PRR16: variants seen among roughly 807,000 people sequenced by gnomAD.
PRR16 encodes proline rich 16.
In PRR16, 6 loss-of-function variants were observed where a neutral mutation model predicts 18.2. That is an observed-to-expected ratio of 0.33 (90% confidence interval 0.18 to 0.65). The LOEUF (loss-of-function observed/expected upper bound fraction) is 0.65. PRR16 is among the 30% of genes least tolerant of loss of function. The probability of loss-of-function intolerance (pLI) is 0.74; values close to 1 mark genes in which losing one functional copy is unlikely to be tolerated. For missense variants in PRR16, 412 were observed against 376.6 expected (o/e 1.09, Z -0.78); for synonymous variants, 151 against 147.8 (o/e 1.02, Z -0.16).
intron 1 of PRR16, among the ~76,000 whole-genome samples, chr5:120,597,916 T>C (rs969837374): frequency 6.6e-6 from 1 of 151,830 alleles, no homozygotes; most frequent in Non-Finnish European, 1.5e-5. Flanking sequence ...TTTGGATGTG[T>C]AGAATAATTT....
intron 1 of PRR16, among the ~76,000 whole-genome samples, chr5:120,621,755 G>A (rs1345742141): frequency 6.6e-6 from 1 of 152,040 alleles, no homozygotes; most frequent in East Asian, 1.9e-4. Context: ...TGTAAAGAAG[G>A]TGCCTTGCTT....
At chr5:120,653,068 T>C (rs559591819) in intron 1 of PRR16, among the ~76,000 whole-genome samples, 4 of 152,110 alleles carry the variant, frequency 2.6e-5, no homozygotes, top group Non-Finnish European at 5.9e-5. Context: ...TCTATTTAGA[T>C]AAAGTTCAAG....
intron 1 of PRR16, among the ~76,000 whole-genome samples, chr5:120,491,470 T>C (rs1750043678): frequency 9.1e-6 from 1 of 109,952 alleles, no homozygotes; most frequent in Non-Finnish European, 1.9e-5. Context: ...TTTCCTTTCC[T>C]TTCCTTTCCT....
At chr5:120,657,757 AG>A (rs1398491808) in intron 1 of PRR16, among the ~76,000 whole-genome samples, 1 of 151,954 alleles carries the variant, frequency 6.6e-6, no homozygotes, top group African/African-American at 2.4e-5. Context: ...AGAAGAAGTG[AG>A]GATGTGACAA....
chr5:120,633,856 A>G (rs1376530755), intron 1 of PRR16, among the ~76,000 whole-genome samples: 1 of 151,692 alleles, frequency 6.6e-6, no homozygotes, highest in African/African-American at 2.4e-5. Context: ...GAGGACTTTA[A>G]TATTCCACTG....
chr5:120,620,319 C>G (rs954533205), intron 1 of PRR16, among the ~76,000 whole-genome samples: 1 of 152,086 alleles, frequency 6.6e-6, no homozygotes, highest in Non-Finnish European at 1.5e-5. Context: ...AATGGTGAAA[C>G]AGGCAGACGA....
chr5:120,772,221 T>G, the PRR16 span, among the ~76,000 whole-genome samples: 1 of 152,096 alleles, frequency 6.6e-6, no homozygotes, highest in Non-Finnish European at 1.5e-5. Flanking sequence ...GTTTTCTTCC[T>G]TTTTAACTGT....
chr5:120,577,573 G>A (rs915934469), intron 1 of PRR16, among the ~76,000 whole-genome samples: 1 of 152,060 alleles, frequency 6.6e-6, no homozygotes, highest in Admixed American at 6.6e-5. Context: ...TAGGAGTTTG[G>A]CAAATCTTTT....
intron 1 of PRR16, among the ~76,000 whole-genome samples, chr5:120,648,710 T>C (rs1054040844): frequency 2.0e-5 from 3 of 152,124 alleles, no homozygotes; most frequent in Non-Finnish European, 4.4e-5. Flanking sequence ...GAGGGTTAAA[T>C]ACGGGGTTAG....
the PRR16 span, among the ~76,000 whole-genome samples, chr5:120,758,172 G>A: frequency 4.6e-5 from 7 of 152,118 alleles, no homozygotes; most frequent in East Asian, 1.2e-3. Flanking sequence ...CAAATTTGAT[G>A]CAAAAATAAT....
chr5:120,778,978 G>A, the PRR16 span, among the ~76,000 whole-genome samples: 14,605 of 152,178 alleles, frequency 0.096, 890 homozygotes, highest in African/African-American at 0.17. Flanking sequence ...TAAACAAGGA[G>A]GAGGGAGAAA....
intron 1 of PRR16, among the ~76,000 whole-genome samples, chr5:120,544,849 A>G (rs1752027344): frequency 1.3e-5 from 2 of 152,086 alleles, no homozygotes; most frequent in Admixed American, 1.3e-4. Context: ...CTTCTTGTTC[A>G]GTACTCTTTT....
the PRR16 span, among the ~76,000 whole-genome samples, chr5:120,781,034 G>A: frequency 6.6e-6 from 1 of 152,074 alleles, no homozygotes; most frequent in African/African-American, 2.4e-5. Context: ...TGGCAACAGA[G>A]CGAGACTCCA....
the PRR16 span, among the ~76,000 whole-genome samples, chr5:120,730,601 A>C: frequency 1.3e-5 from 2 of 152,148 alleles, no homozygotes; most frequent in African/African-American, 4.8e-5. Flanking sequence ...TTGCTGGATA[A>C]GGAGTCCAGC....
intron 1 of PRR16, among the ~76,000 whole-genome samples, chr5:120,508,411 C>A (rs142703568): frequency 6.6e-6 from 1 of 152,020 alleles, no homozygotes; most frequent in East Asian, 1.9e-4. Flanking sequence ...TTAACTGTTA[C>A]AATAACTTAA....
chr5:120,520,347 A>G (rs532827250), intron 1 of PRR16, among the ~76,000 whole-genome samples: 1 of 152,270 alleles, frequency 6.6e-6, no homozygotes, highest in African/African-American at 2.4e-5. Context: ...GTGAGCCAAG[A>G]TCATGCCACT....
chr5:120,575,890 T>C (rs943843183), intron 1 of PRR16, among the ~76,000 whole-genome samples: 1 of 152,116 alleles, frequency 6.6e-6, no homozygotes, highest in Non-Finnish European at 1.5e-5. Flanking sequence ...CTATAGCCAA[T>C]TGATTTTAAG....
At chr5:120,590,683 G>T (rs886070699) in intron 1 of PRR16, among the ~76,000 whole-genome samples, 1 of 151,988 alleles carries the variant, frequency 6.6e-6, no homozygotes, top group African/African-American at 2.4e-5. Context: ...TTGATATGTG[G>T]CCTCTCCAAG....
chr5:120,698,259 C>CA, the PRR16 span, among the ~76,000 whole-genome samples: 6 of 151,762 alleles, frequency 4.0e-5, no homozygotes, highest in African/African-American at 1.5e-4. Flanking sequence ...TTAGAAGAAA[C>CA]TTTGTCATGT....
Sources: allele counts gnomAD v4.1 joint callset (sites outside exome capture counted in the v4.1 genomes callset), GRCh38; gene constraint gnomAD v4.1.1; transcripts MANE v1.5; gene names NCBI Gene and HGNC (gene_info 2026-07-23, HGNC 2026-07-21).